Variants in RAB11FIP3 observed in about 807,000 individuals in gnomAD.
The protein encoded by RAB11FIP3 is rab11 family-interacting protein 3.
Under a neutral mutation model 77.8 loss-of-function variants are expected in RAB11FIP3, and 17 were observed. The observed-to-expected ratio is 0.22, with a 90% CI of 0.15 to 0.33. The LOEUF (loss-of-function observed/expected upper bound fraction) is 0.33, where lower values mean the gene tolerates loss of function less well. Ranked by LOEUF, RAB11FIP3 falls within the 10% of genes least tolerant of loss-of-function variation. The pLI is 1.00. For missense variants in RAB11FIP3, 1,005 were observed against 1,011.2 expected (o/e 0.99, Z 0.08); for synonymous variants, 437 against 448.2 (o/e 0.98, Z 0.31).
At chr16:517,675 GCT>G (rs1320492587) in intron 9 of RAB11FIP3, among the ~76,000 whole-genome samples, 1 of 152,222 alleles carries the variant, frequency 6.6e-6, no homozygotes, top group African/African-American at 2.4e-5. Flanking sequence ...TCCCAATGTG[GCT>G]CTGTGACTGT....
chr16:472,293 C>A lies in RAB11FIP3; in HGVS notation c.903+904C>A, dbSNP rs960407131. On this transcript the variant is annotated intron_variant, in intron 3 of 13. Coordinates refer to ENST00000262305, the MANE Select transcript of RAB11FIP3 (RefSeq NM_014700.4). This position sits in a 1 kb window ranked among gnomAD's most constrained non-coding sequence, Gnocchi z 4.1. ...GGGTGGGCAGCTTAACTTCTGCCCA[C>A]ACAGACCCTGGGGGTGGTTCTGCCT... 6.6e-6 allele frequency among the ~76,000 whole-genome samples: 1 copy of A among 152,350 alleles called. No homozygotes were observed. The highest frequency in any genetic ancestry group is 1.9e-4 in the East Asian group (1 of 5,182).
chr16:496,784 T>C, intron 5 of RAB11FIP3, 40 bp from the exon 6 acceptor site: 2 of 1,548,926 alleles, frequency 1.3e-6, no homozygotes, highest in Non-Finnish European at 1.8e-6. Context: ...CCTCTCTGTC[T>C]GTTCTAACAA....
intron 2 of RAB11FIP3, among the ~76,000 whole-genome samples, chr16:463,129 C>T (rs1450813311): frequency 2.0e-5 from 3 of 152,124 alleles, no homozygotes; most frequent in East Asian, 1.9e-4. Context: ...ATACACTGTC[C>T]GTCTTACGTC....
At position 505,468 on chromosome 16, in the gene RAB11FIP3, G is replaced by T; in HGVS notation, c.1396-56G>T. On this transcript the variant is annotated intron_variant, in intron 7 of 13. Transcript: ENST00000262305. The surrounding 1 kb of genome is among the most constrained non-coding windows in gnomAD (Gnocchi z 4.0). ...GGCCTCCCAGGTTGTTCCCTTGGGG[G>T]TGCAGGCCCTTCTGCTTCTGGCTGC... 5 of 1,438,180 alleles carry T rather than the reference G, an allele frequency of 3.5e-6. No individual in the cohort carries two copies. The highest frequency in any genetic ancestry group is 2.0e-5 in the Admixed American group (1 of 50,654). The allele number at this position is 1,438,180 out of a possible 1,614,324, so 89.1% of individuals were successfully genotyped here. A position where few individuals can be genotyped will look rare whatever the true frequency, so the allele number is the denominator to read the frequency against.
rs56228402 is a variant in RAB11FIP3 at position 480,286 on chromosome 16, C to CAAAAAAAAAAAAAAAAA, written c.904-2235_904-2219dup. On this transcript the variant is annotated intron_variant, in intron 3 of 13. Transcript: ENST00000262305. ...GGCAGGAAGAGTAAAACTCCTTCTC[C>CAAAAAAAAAAAAAAAAA]AAAAAAAAAAAAAAAAAAAAGTTGA... is the stretch of plus-strand genomic sequence containing the variant. 3.0e-3 allele frequency among the ~76,000 whole-genome samples: 242 copies of CAAAAAAAAAAAAAAAAA among 79,888 alleles called. 7 individuals are homozygous for CAAAAAAAAAAAAAAAAA. Among genetic ancestry groups the CAAAAAAAAAAAAAAAAA allele is most frequent in the African/African-American group, 0.01 (212 of 20,710 alleles). The allele number at this position is 79,888 out of a possible 152,430, so 52.4% of individuals were successfully genotyped here.
At chr16:443,800 G>C (rs974899427) in intron 1 of RAB11FIP3, among the ~76,000 whole-genome samples, 1 of 152,366 alleles carries the variant, frequency 6.6e-6, no homozygotes, top group African/African-American at 2.4e-5. Context: ...TCCTGACCTT[G>C]TGATCCGCCC....
At chr16:478,631 C>T (rs1364197363) in intron 3 of RAB11FIP3, among the ~76,000 whole-genome samples, 1 of 152,168 alleles carries the variant, frequency 6.6e-6, no homozygotes, top group Non-Finnish European at 1.5e-5. Flanking sequence ...GGCCACTTTT[C>T]CTAACCAGCA....
intron 1 of RAB11FIP3, among the ~76,000 whole-genome samples, chr16:446,507 C>T (rs2055319218): frequency 6.6e-6 from 1 of 152,116 alleles, no homozygotes; most frequent in Non-Finnish European, 1.5e-5. Flanking sequence ...GGCAGTGCAG[C>T]TGGGGAGCTC....
chr16:472,783 T>C lies in RAB11FIP3; in HGVS notation c.903+1394T>C, dbSNP rs1433800049. Reference sequence around the variant, plus strand: ...TCAAAAGATATGTCCACCCAGCAGCTGTGGATGTGGCCTTATTTGGAAAAA... The same window carrying C: ...TCAAAAGATATGTCCACCCAGCAGCCGTGGATGTGGCCTTATTTGGAAAAA... On this transcript the variant is annotated intron_variant, in intron 3 of 13. Coordinates refer to ENST00000262305, the MANE Select transcript of RAB11FIP3 (RefSeq NM_014700.4). The surrounding 1 kb of genome is among the most constrained non-coding windows in gnomAD (Gnocchi z 4.1). 6.6e-6 allele frequency among the ~76,000 whole-genome samples: 1 copy of C among 152,200 alleles called. No homozygotes were observed. Among genetic ancestry groups the C allele is most frequent in the East Asian group, 1.9e-4 (1 of 5,196 alleles).
At chr16:520,333 G>A in intron 12 of RAB11FIP3, 56 bp downstream of exon 12, 1 of 1,561,512 alleles carries the variant, frequency 6.4e-7, no homozygotes, top group Non-Finnish European at 8.7e-7. Context: ...CCACAAGACT[G>A]GTTGGGAAGG....
intron 3 of RAB11FIP3, among the ~76,000 whole-genome samples, chr16:476,001 G>T (rs1235716174): frequency 3.9e-5 from 6 of 152,080 alleles, no homozygotes; most frequent in Non-Finnish European, 7.4e-5. Context: ...GATTACAGGC[G>T]CCCGCCACCA....
intron 5 of RAB11FIP3, among the ~76,000 whole-genome samples, chr16:496,217 G>A (rs2031114773): frequency 6.6e-6 from 1 of 152,198 alleles, no homozygotes; most frequent in East Asian, 1.9e-4. Context: ...TCAGCAGCTA[G>A]ACTGTAAAAT....
chr16:489,201 C>T, intron 5 of RAB11FIP3: 1 of 646,186 alleles, frequency 1.5e-6, no homozygotes, highest in Non-Finnish European at 2.6e-6. Context: ...CCAGCCACAT[C>T]CCCAGATCAC....
chr16:427,962 G>A (rs1314903300), intron 1 of RAB11FIP3, among the ~76,000 whole-genome samples: 1 of 152,054 alleles, frequency 6.6e-6, no homozygotes, highest in South Asian at 2.1e-4. Context: ...TTAGTCGGGC[G>A]TGGTGGCGGG....
chr16:449,549 G>A (rs1294129761), intron 1 of RAB11FIP3, among the ~76,000 whole-genome samples: 1 of 151,956 alleles, frequency 6.6e-6, no homozygotes, highest in Non-Finnish European at 1.5e-5. Context: ...AGGAGGCTGA[G>A]GTGGGAGGAT....
At chr16:510,549 C>T in intron 8 of RAB11FIP3, 111 bp from the exon 9 acceptor site, 1 of 1,279,412 alleles carries the variant, frequency 7.8e-7, no homozygotes, top group Admixed American at 2.7e-5. Flanking sequence ...CGGTGCCCTA[C>T]TCCCGAGTGG....
At chr16:445,506 A>T (rs905894070) in intron 1 of RAB11FIP3, among the ~76,000 whole-genome samples, 2 of 152,192 alleles carry the variant, frequency 1.3e-5, no homozygotes, top group Non-Finnish European at 2.9e-5. Flanking sequence ...GCTCTTTTAA[A>T]TTTAAAGCAA....
chr16:510,638 G>C (rs547572861), intron 8 of RAB11FIP3, 22 bp from the exon 9 acceptor site: 1 of 1,579,698 alleles, frequency 6.3e-7, no homozygotes, highest in Non-Finnish European at 8.6e-7. Context: ...AGACAGCTCA[G>C]CTCCTCCCTT....
chr16:442,672 C>T (rs1463711427), intron 1 of RAB11FIP3, among the ~76,000 whole-genome samples: 1 of 152,140 alleles, frequency 6.6e-6, no homozygotes, highest in Non-Finnish European at 1.5e-5. Context: ...TCCCAAAGCA[C>T]AGAGATGTGA....
Sources: gnomAD v4.1 joint callset for allele counts (sites outside exome capture counted in the v4.1 genomes callset) on GRCh38, gnomAD v4.1.1 for gene constraint, Gnocchi (gnomAD v3.1) non-coding constraint, MANE v1.5 for transcripts, NCBI Gene and HGNC (gene_info 2026-07-23, HGNC 2026-07-21) for gene names.